Variants in SCAI observed in about 807,000 individuals in gnomAD.
SCAI encodes suppressor of cancer cell invasion, also known as protein SCAI.
A neutral mutation model predicts 92.2 loss-of-function variants in SCAI; 24 were observed. The ratio of observed to expected loss-of-function variants is 0.26; its 90% confidence interval spans 0.19 to 0.37. SCAI has a LOEUF of 0.37. SCAI is among the 10% of genes least tolerant of loss of function. SCAI has a pLI of 1.00. For synonymous variants in SCAI, 261 were observed against 258.6 expected, an observed-to-expected ratio of 1.01 and a Z score of -0.09; for missense variants, 450 against 736.2, an observed-to-expected ratio of 0.61 and a Z score of 4.50.
At chr9:124,973,134 C>A (rs1050482862) in intron 15 of SCAI, among the ~76,000 whole-genome samples, 3 of 152,144 alleles carry the variant, frequency 2.0e-5, no homozygotes, top group Admixed American at 6.5e-5. Flanking sequence ...ATACACATAA[C>A]CTAAAGGTAA....
At chr9:125,143,154 TCAC>T (rs1166445519) in intron 1 of SCAI, among the ~76,000 whole-genome samples, 1 of 95,180 alleles carries the variant, frequency 1.1e-5, no homozygotes, top group Non-Finnish European at 2.2e-5. Flanking sequence ...GCCGCCAGCC[TCAC>T]CCCTCGGCGC....
At chr9:125,121,206 C>T (rs572386706) in intron 2 of SCAI, among the ~76,000 whole-genome samples, 5 of 150,488 alleles carry the variant, frequency 3.3e-5, no homozygotes, top group South Asian at 4.2e-4. Context: ...ATAGTTTCAG[C>T]GTGAACAAGG....
chr9:125,111,927 AT>A (rs1237221454), intron 2 of SCAI, among the ~76,000 whole-genome samples: 1 of 152,168 alleles, frequency 6.6e-6, no homozygotes, highest in African/African-American at 2.4e-5. Context: ...CAGAGAGAAA[AT>A]ATTAGAGATC....
At chr9:125,128,967 G>A (rs923790884) in intron 2 of SCAI, among the ~76,000 whole-genome samples, 5 of 151,956 alleles carry the variant, frequency 3.3e-5, no homozygotes, top group Non-Finnish European at 5.9e-5. Context: ...GGAGACTGAG[G>A]CAGGAGAATC....
At chr9:124,956,589 A>G (rs1032719221) in intron 17 of SCAI, among the ~76,000 whole-genome samples, 2 of 152,208 alleles carry the variant, frequency 1.3e-5, no homozygotes, top group African/African-American at 2.4e-5. Context: ...GTAGATGCAG[A>G]AAAAAGTTTT....
intron 2 of SCAI, among the ~76,000 whole-genome samples, chr9:125,089,730 G>A (rs2131193652): frequency 6.6e-6 from 1 of 151,964 alleles, no homozygotes; most frequent in Middle Eastern, 3.4e-3. Context: ...AGAAAGACAG[G>A]GTCTCACTCT....
At chr9:124,995,317 A>G (rs1832217792) in intron 13 of SCAI, among the ~76,000 whole-genome samples, 1 of 152,184 alleles carries the variant, frequency 6.6e-6, no homozygotes. Flanking sequence ...GCAAACAGAT[A>G]CCTGTTTCAT....
chr9:124,982,970 T>C (rs901001475), intron 14 of SCAI, among the ~76,000 whole-genome samples: 5 of 151,976 alleles, frequency 3.3e-5, no homozygotes, highest in African/African-American at 9.7e-5. Context: ...CTGGAGAACA[T>C]AGCAAGACCC....
intron 14 of SCAI, among the ~76,000 whole-genome samples, chr9:124,983,513 C>T (rs904079465): frequency 3.3e-5 from 5 of 152,194 alleles, no homozygotes; most frequent in East Asian, 1.9e-4. Context: ...CCACCACACC[C>T]GGCTAATTTT....
At chr9:125,042,662 C>CAT (rs1204724512) in intron 3 of SCAI, among the ~76,000 whole-genome samples, 1 of 145,506 alleles carries the variant, frequency 6.9e-6, no homozygotes, top group Non-Finnish European at 1.5e-5. Context: ...CACACACACA[C>CAT]ACACATATAC....
intron 2 of SCAI, among the ~76,000 whole-genome samples, chr9:125,105,679 G>GT (rs1419116374): frequency 6.6e-6 from 1 of 152,154 alleles, no homozygotes; most frequent in African/African-American, 2.4e-5. Context: ...CATATTGTCT[G>GT]TATTTCCACG....
At chr9:125,127,878 C>T (rs954875759) in intron 2 of SCAI, among the ~76,000 whole-genome samples, 1 of 151,872 alleles carries the variant, frequency 6.6e-6, no homozygotes, top group Non-Finnish European at 1.5e-5. Flanking sequence ...TATGGTGGTG[C>T]GTTCCTGTAG....
At chr9:125,132,819 G>A in intron 2 of SCAI, among the ~76,000 whole-genome samples, 1 of 152,006 alleles carries the variant, frequency 6.6e-6, no homozygotes, top group Non-Finnish European at 1.5e-5. Flanking sequence ...ATACAAATTA[G>A]CCAGGCATGG....
chr9:125,045,189 G>A (rs369141452), intron 3 of SCAI, among the ~76,000 whole-genome samples: 2 of 152,118 alleles, frequency 1.3e-5, no homozygotes, highest in South Asian at 2.1e-4. Context: ...AACACCCTAA[G>A]GATCCTGTGA....
chr9:125,077,663 G>C lies in SCAI; in HGVS notation c.99-21656C>G, dbSNP rs1196672442. 2.6e-5 allele frequency among the ~76,000 whole-genome samples: 4 copies of C among 152,052 alleles called. No individual in the cohort carries two copies. The East Asian group carries it at 7.7e-4, about 29-fold the overall frequency. On this transcript the variant is annotated intron_variant, in intron 2 of 17. Transcript: ENST00000336505. The stretch of plus-strand genomic sequence containing the variant: ...CCCTGATGGCTTTTCTGTGTTTATT[G>C]GGGCTTTGTATATTTCCTTTGAAGA...
At chr9:125,059,478 T>C (rs919471983) in intron 2 of SCAI, among the ~76,000 whole-genome samples, 10 of 152,164 alleles carry the variant, frequency 6.6e-5, no homozygotes, top group East Asian at 3.8e-4. Flanking sequence ...CAATGATGAA[T>C]TGGTGAACAA....
intron 2 of SCAI, among the ~76,000 whole-genome samples, chr9:125,100,953 G>A (rs1056244136): frequency 2.0e-5 from 3 of 152,104 alleles, no homozygotes; most frequent in Admixed American, 6.6e-5. Context: ...AGCTGGGCAC[G>A]GTGATGCATG....
chr9:124,990,201 A>G (rs1588136149), intron 14 of SCAI, among the ~76,000 whole-genome samples: 1 of 151,802 alleles, frequency 6.6e-6, no homozygotes, highest in South Asian at 2.1e-4. Context: ...GAAATACTGG[A>G]AGCTAGGCTG....
intron 14 of SCAI, among the ~76,000 whole-genome samples, chr9:124,978,516 G>A (rs1831808372): frequency 6.6e-6 from 1 of 152,114 alleles, no homozygotes; most frequent in South Asian, 2.1e-4. Context: ...CAAGAATGTG[G>A]GGAAATACTC....
Sources: allele counts gnomAD v4.1 joint callset (sites outside exome capture counted in the v4.1 genomes callset), GRCh38; gene constraint gnomAD v4.1.1; transcripts MANE v1.5; gene names NCBI Gene and HGNC (gene_info 2026-07-23, HGNC 2026-07-21).